COL13A1: variants seen among roughly 807,000 people sequenced by gnomAD.
The protein encoded by COL13A1 is collagen alpha-1(XIII) chain.
COL13A1 carries 89 observed loss-of-function variants against 130.9 expected under a neutral mutation model. That is an observed-to-expected ratio of 0.68 (90% CI 0.57 to 0.81). COL13A1 has a LOEUF of 0.81. COL13A1 is among the 30% of genes least tolerant of loss of function. The probability of loss-of-function intolerance (pLI) is 0.00; values close to 1 mark genes in which losing one functional copy is unlikely to be tolerated. For missense variants in COL13A1, 879 were observed against 934.6 expected (o/e 0.94, Z 0.78); for synonymous variants, 402 against 341.6 (o/e 1.18, Z -1.95).
chr10:69,886,655 T>C (rs1303400308), intron 7 of COL13A1, among the ~76,000 whole-genome samples: 1 of 152,140 alleles, frequency 6.6e-6, no homozygotes, highest in African/African-American at 2.4e-5. Context: ...GTGACAAGAC[T>C]CACGTTTCTT....
chr10:69,856,748 G>A (rs911110060), intron 2 of COL13A1, among the ~76,000 whole-genome samples: 3 of 152,200 alleles, frequency 2.0e-5, no homozygotes, highest in Non-Finnish European at 2.9e-5. Context: ...TCCTGGGAAG[G>A]GCCCAAGGTG....
rs374171773 is a variant in COL13A1 at position 69,947,040 on chromosome 10, G to A, written c.2023-267G>A. Among the ~76,000 whole-genome samples, 351 of 152,238 alleles carry A rather than the reference G, an allele frequency of 2.3e-3. 3 individuals carry two copies. Among genetic ancestry groups the A allele is most frequent in the African/African-American group, 8.2e-3 (341 of 41,512 alleles). On this transcript the variant is annotated intron_variant, in intron 37 of 40. Coordinates refer to ENST00000645393, the MANE Select transcript of COL13A1 (RefSeq NM_001368882.1). ...CTGGACCTCGTGATCCGCCCACCTC[G>A]GCCTCCCAAAGTGCTGGGATTACAG...
Position 69,932,611 on chromosome 10 carries a change from G to A in COL13A1, c.1728+7G>A. On this transcript the variant is annotated splice_region_variant and intron_variant, in intron 31 of 40. Coordinates refer to ENST00000645393, the MANE Select transcript of COL13A1 (RefSeq NM_001368882.1). ...GGGCAATCCAGGAGCAGAGGTACAT[G>A]AGAGATAATTTGACAGAGACTCATC... 6.3e-7 allele frequency: 1 copy of A among 1,594,022 alleles called. No individual in the cohort carries two copies.
Position 69,923,811 on chromosome 10 carries a change from G to A in COL13A1, c.1240G>A (p.Gly414Ser), listed in dbSNP as rs1400219890. 1 of 1,611,206 alleles carries A rather than the reference G, an allele frequency of 6.2e-7. No homozygotes were observed. Among genetic ancestry groups the A allele is most frequent in the Non-Finnish European group, 8.5e-7 (1 of 1,178,960 alleles). Residue 414 changes from glycine to serine, a missense_variant, in exon 24 of 41, where the codon GGT (glycine) becomes AGT (serine). Coordinates refer to ENST00000645393, the MANE Select transcript of COL13A1 (RefSeq NM_001368882.1). ...CTCTCCTCTTCCCCAGGGAGAAGCA[G>A]GTGTCGATGGCCAGGTTGGCCCCCC... ...PGPPGPKGEA[G>S]VDGQVGPPGQ...
intron 1 of COL13A1, among the ~76,000 whole-genome samples, chr10:69,808,115 A>G (rs1159154636): frequency 4.6e-5 from 7 of 152,098 alleles, no homozygotes. Context: ...CGCTTCTCCA[A>G]AGGTCTTCGA....
chr10:69,912,171 C>G (rs1249912110), intron 17 of COL13A1, among the ~76,000 whole-genome samples: 2 of 152,198 alleles, frequency 1.3e-5, no homozygotes, highest in African/African-American at 4.8e-5. Flanking sequence ...TTTTCATGCA[C>G]TCCAAAGTCC....
At chr10:69,828,694 C>T (rs541554009) in intron 2 of COL13A1, among the ~76,000 whole-genome samples, 1 of 152,322 alleles carries the variant, frequency 6.6e-6, no homozygotes, top group Admixed American at 6.5e-5. Flanking sequence ...CTTCCATCCT[C>T]TCCTCCCCAC....
At chr10:69,944,412 C>T (rs1241731111) in intron 36 of COL13A1, among the ~76,000 whole-genome samples, 4 of 152,146 alleles carry the variant, frequency 2.6e-5, no homozygotes, top group Non-Finnish European at 5.9e-5. Context: ...TCCCAACACT[C>T]TGGGAGGCCA....
chr10:69,901,465 C>G (rs1434351964), intron 14 of COL13A1, among the ~76,000 whole-genome samples: 1 of 152,210 alleles, frequency 6.6e-6, no homozygotes, highest in Non-Finnish European at 1.5e-5. Context: ...TCATCAGCTG[C>G]CTTCCTCGCA....
chr10:69,811,439 G>A (rs1255344942), intron 1 of COL13A1, among the ~76,000 whole-genome samples: 1 of 152,224 alleles, frequency 6.6e-6, no homozygotes, highest in African/African-American at 2.4e-5. Context: ...GACCTCTCGG[G>A]ACAGGGATGA....
intron 28 of COL13A1, 68 bp downstream of exon 28, chr10:69,929,067 C>A (rs538394896): frequency 6.4e-6 from 8 of 1,259,560 alleles, no homozygotes; most frequent in East Asian, 4.9e-5. Context: ...TTCCCCTCCC[C>A]CTGTGACCCT....
intron 33 of COL13A1, among the ~76,000 whole-genome samples, chr10:69,937,077 G>A (rs1217532971): frequency 1.3e-5 from 2 of 152,190 alleles, no homozygotes; most frequent in East Asian, 3.9e-4. Context: ...CACTCATGCC[G>A]AGTAGAGGTG....
At chr10:69,913,651 C>A (rs1212029936) in intron 17 of COL13A1, among the ~76,000 whole-genome samples, 1 of 152,182 alleles carries the variant, frequency 6.6e-6, no homozygotes, top group Non-Finnish European at 1.5e-5. Context: ...AGCGACGACG[C>A]TGGAGTCCTT....
chr10:69,914,906 A>T (rs777992617), intron 17 of COL13A1, among the ~76,000 whole-genome samples: 11 of 151,936 alleles, frequency 7.2e-5, no homozygotes, highest in Non-Finnish European at 1.5e-4. Flanking sequence ...CGGCCCCCAC[A>T]CTCTGACCCC....
At chr10:69,836,454 G>A (rs1296964273) in intron 2 of COL13A1, among the ~76,000 whole-genome samples, 2 of 152,216 alleles carry the variant, frequency 1.3e-5, no homozygotes, top group Non-Finnish European at 2.9e-5. Context: ...CAGCTGACTC[G>A]GCTTCCTGGT....
At chr10:69,933,275 T>C (rs2135906795) in intron 31 of COL13A1, among the ~76,000 whole-genome samples, 1 of 152,034 alleles carries the variant, frequency 6.6e-6, no homozygotes, top group East Asian at 1.9e-4. Context: ...GGGCAGAGTC[T>C]TGACGGCTTT....
chr10:69,896,909 C>T (rs1194175000), intron 13 of COL13A1, among the ~76,000 whole-genome samples: 1 of 152,224 alleles, frequency 6.6e-6, no homozygotes, highest in African/African-American at 2.4e-5. Flanking sequence ...TTATTTGAAA[C>T]GATGGGCTCA....
intron 2 of COL13A1, among the ~76,000 whole-genome samples, chr10:69,850,255 C>A (rs540764127): frequency 6.6e-6 from 1 of 150,462 alleles, no homozygotes; most frequent in Non-Finnish European, 1.5e-5. Flanking sequence ...TTAGACTGTG[C>A]GACACAGTAC....
chr10:69,879,667 A>G (rs1274790271), intron 6 of COL13A1, among the ~76,000 whole-genome samples: 1 of 152,116 alleles, frequency 6.6e-6, no homozygotes. Flanking sequence ...TTCCCAGAGG[A>G]GGTATGTGGG....
Sources: gnomAD v4.1 joint callset for allele counts (sites outside exome capture counted in the v4.1 genomes callset) on GRCh38, gnomAD v4.1.1 for gene constraint, MANE v1.5 for transcripts, NCBI Gene and HGNC (gene_info 2026-07-23, HGNC 2026-07-21) for gene names.